Variants in C10orf90 observed in about 807,000 individuals in gnomAD.
C10orf90 encodes (E2-independent) E3 ubiquitin-conjugating enzyme FATS.
In C10orf90, 56 loss-of-function variants were observed where a neutral mutation model predicts 62.5. The observed-to-expected ratio is 0.90, with a 90% CI of 0.72 to 1.12. C10orf90 has a LOEUF of 1.12. Among genes scored for constraint, C10orf90 ranks in the 50% most tolerant of loss-of-function variants. The probability of loss-of-function intolerance (pLI) is 0.00; values close to 1 mark genes in which losing one functional copy is unlikely to be tolerated. For synonymous variants in C10orf90, 386 were observed against 340.4 expected (o/e 1.13, Z -1.47); for missense variants, 970 against 880.4 (o/e 1.10, Z -1.29).
At chr10:126,539,189 T>C (rs1233253900) in intron 2 of C10orf90, among the ~76,000 whole-genome samples, 1 of 152,210 alleles carries the variant, frequency 6.6e-6, no homozygotes, top group African/African-American at 2.4e-5. Context: ...AATTTTTCAC[T>C]TTTGGAATGC....
At chr10:126,630,241 A>G (rs927273519) in intron 2 of C10orf90, among the ~76,000 whole-genome samples, 1 of 152,162 alleles carries the variant, frequency 6.6e-6, no homozygotes, top group South Asian at 2.1e-4. Flanking sequence ...CTCTGCCTTT[A>G]TGTTGAAGGC....
chr10:126,662,309 C>T (rs1274428470), intron 1 of C10orf90, among the ~76,000 whole-genome samples: 1 of 152,044 alleles, frequency 6.6e-6, no homozygotes, highest in African/African-American at 2.4e-5. Context: ...GTAAAGGACC[C>T]GAATGATTCA....
At chr10:126,585,565 G>A (rs1255620935) in intron 2 of C10orf90, among the ~76,000 whole-genome samples, 5 of 144,578 alleles carry the variant, frequency 3.5e-5, no homozygotes, top group Admixed American at 3.4e-4. Context: ...GAGAGCAGGA[G>A]AAAGAGAGGA....
intron 4 of C10orf90, among the ~76,000 whole-genome samples, chr10:126,467,149 A>C (rs1860333827): frequency 6.6e-6 from 1 of 152,172 alleles, no homozygotes; most frequent in Non-Finnish European, 1.5e-5. Flanking sequence ...CTATCTATCT[A>C]TCTCTGGTTT....
chr10:126,648,663 TAA>T (rs1846218921), intron 1 of C10orf90, among the ~76,000 whole-genome samples: 2 of 152,222 alleles, frequency 1.3e-5, no homozygotes, highest in Admixed American at 6.5e-5. Context: ...ATTTAAATCT[TAA>T]GTCTGTCAGA....
At chr10:126,469,706 T>C (rs1860464207) in intron 4 of C10orf90, 2 of 364,204 alleles carry the variant, frequency 5.5e-6, no homozygotes, top group Admixed American at 3.6e-5. Context: ...TTTGCAAAGC[T>C]CTCGGGTCTG....
intron 4 of C10orf90, among the ~76,000 whole-genome samples, chr10:126,497,813 A>C (rs527991094): frequency 6.6e-6 from 1 of 152,224 alleles, no homozygotes. Flanking sequence ...CTAAATTGGC[A>C]TGGCTATTTT....
chr10:126,612,539 T>G (rs1010003626), intron 2 of C10orf90, among the ~76,000 whole-genome samples: 2 of 152,144 alleles, frequency 1.3e-5, no homozygotes, highest in Non-Finnish European at 2.9e-5. Context: ...CCATCACCCA[T>G]GGCCCATTTT....
chr10:126,524,863 G>T (rs895926570), intron 2 of C10orf90: 4 of 980,822 alleles, frequency 4.1e-6, no homozygotes, highest in Admixed American at 6.1e-5. Context: ...CCCATTAAGT[G>T]GAAAACGCCA....
At chr10:126,552,137 A>G (rs1254030060) in intron 2 of C10orf90, among the ~76,000 whole-genome samples, 2 of 152,194 alleles carry the variant, frequency 1.3e-5, no homozygotes, top group Non-Finnish European at 2.9e-5. Context: ...CTTTAGGGTC[A>G]TCAGTGTAAA....
intron 2 of C10orf90, among the ~76,000 whole-genome samples, chr10:126,548,132 A>G (rs1864544664): frequency 6.6e-6 from 1 of 152,232 alleles, no homozygotes; most frequent in Non-Finnish European, 1.5e-5. Context: ...ACCTATATAT[A>G]GGCTTAACAT....
At chr10:126,621,397 G>A (rs776596130) in intron 2 of C10orf90, among the ~76,000 whole-genome samples, 35 of 152,108 alleles carry the variant, frequency 2.3e-4, no homozygotes, top group Non-Finnish European at 4.4e-4. Flanking sequence ...AAAAACAGTC[G>A]TTATTTGCTT....
chr10:126,564,226 C>T (rs1165383928), intron 2 of C10orf90, among the ~76,000 whole-genome samples: 2 of 152,036 alleles, frequency 1.3e-5, no homozygotes, highest in African/African-American at 2.4e-5. Flanking sequence ...TTCCTCTCCA[C>T]GCTGAGCATT....
intron 1 of C10orf90, among the ~76,000 whole-genome samples, chr10:126,668,038 T>C (rs1395034411): frequency 1.3e-5 from 2 of 152,152 alleles, no homozygotes; most frequent in Non-Finnish European, 2.9e-5. Flanking sequence ...GGATCATCCC[T>C]GGGCTGCAGT....
intron 1 of C10orf90, among the ~76,000 whole-genome samples, chr10:126,668,240 G>A (rs1327589363): frequency 6.6e-6 from 1 of 152,228 alleles, no homozygotes; most frequent in African/African-American, 2.4e-5. Flanking sequence ...CAGATAACCA[G>A]CCAGTTTCTT....
intron 4 of C10orf90, among the ~76,000 whole-genome samples, chr10:126,495,904 G>T (rs907569617): frequency 2.0e-5 from 3 of 152,126 alleles, no homozygotes; most frequent in Admixed American, 6.5e-5. Context: ...ATTACAAAAT[G>T]GTTTGAGTCC....
intron 7 of C10orf90, 55 bp downstream of exon 7, chr10:126,458,985 C>T: frequency 6.4e-7 from 1 of 1,556,562 alleles, no homozygotes; most frequent in South Asian, 1.2e-5. Flanking sequence ...CCTCCAGCTC[C>T]AGGAACCCCC....
At chr10:126,505,950 G>GTC (rs1212930381) in intron 3 of C10orf90, among the ~76,000 whole-genome samples, 1 of 152,052 alleles carries the variant, frequency 6.6e-6, no homozygotes, top group Non-Finnish European at 1.5e-5. Context: ...GTGAAACTTC[G>GTC]TCTCTCTCAC....
At chr10:126,448,861 C>G (rs954233912) in intron 7 of C10orf90, among the ~76,000 whole-genome samples, 3 of 152,158 alleles carry the variant, frequency 2.0e-5, no homozygotes, top group African/African-American at 7.2e-5. Context: ...AACAGAGTCA[C>G]AGTGAGTAAG....
Sources: gnomAD v4.1 joint callset for allele counts (sites outside exome capture counted in the v4.1 genomes callset) on GRCh38, gnomAD v4.1.1 for gene constraint, MANE v1.5 for transcripts, NCBI Gene and HGNC (gene_info 2026-07-23, HGNC 2026-07-21) for gene names.